ARHGEF12: variants seen among roughly 807,000 people sequenced by gnomAD.
The protein encoded by ARHGEF12 is KMT2A/ARHGEF12 fusion protein.
A neutral mutation model predicts 211.2 loss-of-function variants in ARHGEF12; 66 were observed. That is an observed-to-expected ratio of 0.31 (90% CI 0.26 to 0.38). The LOEUF is 0.38. Among genes scored for constraint, ARHGEF12 ranks in the 10% least tolerant of loss-of-function variants. ARHGEF12 has a pLI of 1.00. For synonymous variants in ARHGEF12, 592 were observed against 638.4 expected, an observed-to-expected ratio of 0.93 and a Z score of 1.09; for missense variants, 1,429 against 1,869.5, an observed-to-expected ratio of 0.76 and a Z score of 4.34.
chr11:120,393,965 A>G (rs116511035), intron 1 of ARHGEF12, among the ~76,000 whole-genome samples: 1 of 152,292 alleles, frequency 6.6e-6, no homozygotes, highest in African/African-American at 2.4e-5. Context: ...CAAGTCATAC[A>G]AAGTATGTTT....
At chr11:120,480,769 GCAAA>G (rs1947210739) in intron 38 of ARHGEF12, among the ~76,000 whole-genome samples, 1 of 152,146 alleles carries the variant, frequency 6.6e-6, no homozygotes, top group South Asian at 2.1e-4. Context: ...AGTAATGAAG[GCAAA>G]CAGGGTGATC....
In ARHGEF12 at chr11:120,451,447, G is replaced by GATT; in HGVS notation, c.1844-62_1844-60dup. On this transcript the variant is annotated intron_variant, in intron 21 of 40. Transcript: ENST00000397843. ...CCACCTTGGCCTCCCAAAGTGTTGG[G>GATT]ATTATAGGCTTGAGCCACCGCACCC... The GATT allele has an allele frequency of 2.6e-6, 4 of 1,529,480 alleles. No individual in the cohort carries two copies. In the Admixed American group the frequency reaches 5.3e-5, roughly 20 times the overall value. The allele number at this position is 1,529,480 out of a possible 1,614,324, so 94.7% of individuals were successfully genotyped here.
At chr11:120,478,428 G>A (rs1160603289) in intron 37 of ARHGEF12, 39 bp downstream of exon 37, 2 of 1,552,732 alleles carry the variant, frequency 1.3e-6, no homozygotes, top group South Asian at 1.1e-5. Flanking sequence ...TACTTACTAA[G>A]TATGACACTC....
intron 34 of ARHGEF12, 97 bp from the exon 35 acceptor site, chr11:120,477,121 GT>G: frequency 3.8e-6 from 3 of 780,700 alleles, no homozygotes; most frequent in Non-Finnish European, 6.4e-6. Context: ...GTTGTTGTTG[GT>G]TGATTTGGTT....
chr11:120,485,212 AGTC>A lies in ARHGEF12; in HGVS notation c.*136_*138del. On this transcript the variant is annotated 3_prime_UTR_variant, in exon 41 of 41. Transcript: ENST00000397843. ...CCTGTGAACCACCTGGGATTAGTCA[AGTC>A]CCAAGGTGCCCAGAGTGGGACTAGT... 9.0e-7 allele frequency: 1 copy of A among 1,111,802 alleles called. No individual in the cohort carries two copies. Among genetic ancestry groups the A allele is most frequent in the Non-Finnish European group, 1.3e-6 (1 of 751,976 alleles). The allele number at this position is 1,111,802 out of a possible 1,614,324, so 68.9% of individuals were successfully genotyped here.
intron 1 of ARHGEF12, among the ~76,000 whole-genome samples, chr11:120,351,847 C>CT (rs2135311368): frequency 6.6e-6 from 1 of 152,084 alleles, no homozygotes; most frequent in African/African-American, 2.4e-5. Context: ...CTTTTTTAAC[C>CT]TTTCAACTAA....
chr11:120,386,748 A>G (rs866706732), intron 1 of ARHGEF12, among the ~76,000 whole-genome samples: 3 of 152,160 alleles, frequency 2.0e-5, no homozygotes, highest in Admixed American at 1.3e-4. Flanking sequence ...ATAACAACCT[A>G]GTCACGAAAT....
Position 120,485,965 on chromosome 11 carries a change from A to G in ARHGEF12, c.*888A>G, listed in dbSNP as rs1260498331. 1 of 232,758 alleles carries G rather than the reference A, an allele frequency of 4.3e-6. No homozygotes were observed. The highest frequency in any genetic ancestry group is 8.5e-6 in the Non-Finnish European group (1 of 117,580). The allele number at this position is 232,758 out of a possible 1,614,324, so 14.4% of individuals were successfully genotyped here. On this transcript the variant is annotated 3_prime_UTR_variant, in exon 41 of 41. Coordinates refer to ENST00000397843, the MANE Select transcript of ARHGEF12 (RefSeq NM_015313.3). ...AATTTGTTATTCTTGGTATCATTTC[A>G]TTTTTATAATTATACATTAGACATT...
chr11:120,440,152 T>C lies in ARHGEF12; in HGVS notation c.1023T>C (p.Ser341=). ...QDTDTQSLVG[S]PSTRIAPHII... The stretch of plus-strand genomic sequence containing the variant: ...AGGACACTCAATCACTTGTCGGAAG[T>C]CCCTCAACCCGTATAGCACCTCATA... Residue 341 remains serine, a synonymous_variant, in exon 13 of 41, where the codon AGT becomes AGC. Coordinates refer to ENST00000397843, the MANE Select transcript of ARHGEF12 (RefSeq NM_015313.3). 1 of 1,613,120 alleles carries C rather than the reference T, an allele frequency of 6.2e-7. No homozygotes were observed. Among genetic ancestry groups the C allele is most frequent in the Non-Finnish European group, 8.5e-7 (1 of 1,179,496 alleles).
chr11:120,463,040 T>C (rs1305002748), intron 27 of ARHGEF12: 1 of 152,256 alleles, frequency 6.6e-6, no homozygotes, highest in Non-Finnish European at 1.5e-5. Context: ...TACTGCTAGA[T>C]GATTTTGCCC....
chr11:120,416,429 G>A (rs1350029475), intron 4 of ARHGEF12, among the ~76,000 whole-genome samples: 1 of 152,072 alleles, frequency 6.6e-6, no homozygotes. Context: ...GTACACAGAG[G>A]GTGCAGTGGG....
intron 2 of ARHGEF12, among the ~76,000 whole-genome samples, chr11:120,406,817 G>A (rs903908148): frequency 6.6e-6 from 1 of 152,104 alleles, no homozygotes; most frequent in Non-Finnish European, 1.5e-5. Flanking sequence ...CTCAGGCTCC[G>A]AAAGTGCTGG....
chr11:120,488,013 C>T lies in ARHGEF12; in HGVS notation c.*2936C>T, dbSNP rs199753862. Reference sequence around the variant, plus strand: ...TATATTTTATGAGCTTTTTGGCTTTCTTTTTTCCCACAGCAACTGCCAATG... The same window carrying T: ...TATATTTTATGAGCTTTTTGGCTTTTTTTTTTCCCACAGCAACTGCCAATG... On this transcript the variant is annotated 3_prime_UTR_variant, in exon 41 of 41. Coordinates refer to ENST00000397843, the MANE Select transcript of ARHGEF12 (RefSeq NM_015313.3). The T allele has an allele frequency of 4.0e-5, 9 of 222,232 alleles. No individual in the cohort carries two copies. The highest frequency in any genetic ancestry group is 6.3e-5 in the Non-Finnish European group (7 of 111,234). 13.8% of individuals were successfully genotyped at this position (222,232 alleles called of 1,614,324 possible).
chr11:120,454,247 A>T (rs1946295857), intron 22 of ARHGEF12, among the ~76,000 whole-genome samples: 1 of 152,248 alleles, frequency 6.6e-6, no homozygotes, highest in Non-Finnish European at 1.5e-5. Flanking sequence ...GTCAGAGTCA[A>T]GACGTAAGAT....
chr11:120,446,761 T>C (rs991137222), intron 17 of ARHGEF12, among the ~76,000 whole-genome samples, 187 bp from the exon 18 acceptor site: 3 of 152,164 alleles, frequency 2.0e-5, no homozygotes, highest in Non-Finnish European at 4.4e-5. Context: ...AGATATTGTA[T>C]GTGTTCTTGG....
rs757625803 is a variant in ARHGEF12, at chr11:120,479,998, T to A, written c.3805T>A (p.Leu1269Met). Residue 1269 changes from leucine to methionine, a missense_variant, in exon 38 of 41, where the codon TTG (leucine) becomes ATG (methionine). Physicochemically the swap from Leu to Met is conservative, Grantham distance 15. Around this residue, in one of 7 missense-constraint regions of ARHGEF12, gnomAD observed 467 missense variants for 468.4 expected, o/e 1.00. Transcript: ENST00000397843. ...LKQLLVQQLG[L>M]TEKSVQEDWQ... Reference sequence around the variant, plus strand: ...GCAGTTGCTGGTGCAACAGCTAGGTTTGACTGAGAAGAGCGTTCAGGAAGA... The same window carrying A: ...GCAGTTGCTGGTGCAACAGCTAGGTATGACTGAGAAGAGCGTTCAGGAAGA... 9.9e-6 allele frequency: 16 copies of A among 1,613,970 alleles called. No homozygotes were observed. The African/African-American group carries it at 2.1e-4, about 22-fold the overall frequency.
chr11:120,411,280 A>T (rs141779935), intron 4 of ARHGEF12: 62 of 152,310 alleles, frequency 4.1e-4, no homozygotes, highest in African/African-American at 1.3e-3. Flanking sequence ...TTAGAACAGA[A>T]TTAGCATGCT....
intron 4 of ARHGEF12, among the ~76,000 whole-genome samples, chr11:120,420,123 T>C (rs1304540256): frequency 6.6e-6 from 1 of 152,236 alleles, no homozygotes; most frequent in Non-Finnish European, 1.5e-5. Flanking sequence ...TCACAGATTC[T>C]TTATCTTTTC....
chr11:120,390,612 C>T (rs1475939704), intron 1 of ARHGEF12, among the ~76,000 whole-genome samples: 3 of 152,106 alleles, frequency 2.0e-5, no homozygotes, highest in Admixed American at 6.5e-5. Flanking sequence ...AACTATGTAA[C>T]GGGATATGAA....
Sources: allele counts gnomAD v4.1 joint callset (sites outside exome capture counted in the v4.1 genomes callset), GRCh38; gene constraint gnomAD v4.1.1; regional missense constraint gnomAD v4.1.1; transcripts MANE v1.5; gene names NCBI Gene and HGNC (gene_info 2026-07-23, HGNC 2026-07-21).